DOK6: variants seen among roughly 807,000 people sequenced by gnomAD.
DOK6 encodes the protein downstream of tyrosine kinase 6.
Under a neutral mutation model 44.0 loss-of-function variants are expected in DOK6, and 22 were observed. The observed-to-expected ratio is 0.50, with a 90% CI of 0.36 to 0.71. The LOEUF is 0.71. Among genes scored for constraint, DOK6 ranks in the 30% least tolerant of loss-of-function variants. The pLI is 0.00. For missense variants in DOK6, 340 were observed against 416.4 expected (o/e 0.82, Z 1.60); for synonymous variants, 166 against 145.5 (o/e 1.14, Z -1.01).
intron 7 of DOK6, among the ~76,000 whole-genome samples, chr18:69,803,857 C>CAA (rs1035763856): frequency 6.6e-6 from 1 of 151,764 alleles, no homozygotes. Context: ...GGCTCCGTCT[C>CAA]AAAAAAATAT....
chr18:69,700,700 C>T (rs1986500489), intron 5 of DOK6, among the ~76,000 whole-genome samples: 1 of 152,108 alleles, frequency 6.6e-6, no homozygotes, highest in South Asian at 2.1e-4. Flanking sequence ...TTGTAAATTC[C>T]AGATGACTTC....
chr18:69,780,987 G>C (rs1037826234), intron 7 of DOK6, among the ~76,000 whole-genome samples: 1 of 152,014 alleles, frequency 6.6e-6, no homozygotes, highest in Non-Finnish European at 1.5e-5. Context: ...CGATTTCTCT[G>C]TTCACTGGAT....
intron 7 of DOK6, among the ~76,000 whole-genome samples, chr18:69,840,827 CT>C (rs1798935809): frequency 6.6e-6 from 1 of 152,170 alleles, no homozygotes; most frequent in African/African-American, 2.4e-5. Flanking sequence ...GTGTAATTTG[CT>C]TTTATATGCT....
Position 69,659,944 on chromosome 18 carries a change from ATAACATATATGTATGTTT to A in DOK6, c.290-17787_290-17770del, listed in dbSNP as rs201989520. 3.0e-3 allele frequency: 313 copies of A among 104,920 alleles called. 14 individuals carry two copies. The East Asian group carries it at 0.043, about 14-fold the overall frequency. The allele number at this position is 104,920 out of a possible 1,614,324, so 6.5% of individuals were successfully genotyped here. On this transcript the variant is annotated intron_variant, in intron 3 of 7. Coordinates refer to ENST00000382713, the MANE Select transcript of DOK6 (RefSeq NM_152721.6). ...TAACATATATGTATGTTTTATATAT[ATAACATATATGTATGTTT>A]TATATATATATATGTATATAAAGAA...
intron 2 of DOK6, among the ~76,000 whole-genome samples, chr18:69,584,066 C>T (rs2144611990): frequency 6.7e-6 from 1 of 148,590 alleles, no homozygotes; most frequent in East Asian, 2.0e-4. Context: ...CGAGATCGCG[C>T]CACTGCACTC....
At chr18:69,806,716 G>A (rs1179227260) in intron 7 of DOK6, among the ~76,000 whole-genome samples, 1 of 151,856 alleles carries the variant, frequency 6.6e-6, no homozygotes, top group Non-Finnish European at 1.5e-5. Flanking sequence ...AGGAAGATTA[G>A]GTAATCAGAG....
intron 1 of DOK6, among the ~76,000 whole-genome samples, chr18:69,480,040 A>G (rs1980375331): frequency 1.3e-5 from 2 of 152,192 alleles, no homozygotes; most frequent in Non-Finnish European, 2.9e-5. Context: ...ATGAGGTGTT[A>G]CAGTCTATTT....
At chr18:69,733,001 G>A (rs1342891685) in intron 5 of DOK6, among the ~76,000 whole-genome samples, 1 of 152,268 alleles carries the variant, frequency 6.6e-6, no homozygotes, top group Admixed American at 6.5e-5. Flanking sequence ...AATCATGGCA[G>A]AAGGGGAAGT....
chr18:69,669,629 T>C (rs540361913), intron 3 of DOK6, among the ~76,000 whole-genome samples: 2 of 152,290 alleles, frequency 1.3e-5, no homozygotes, highest in South Asian at 2.1e-4. Flanking sequence ...GATCTAATCT[T>C]TCTGGTGGTT....
intron 1 of DOK6, among the ~76,000 whole-genome samples, chr18:69,411,301 G>A (rs1599118080): frequency 6.6e-6 from 1 of 152,160 alleles, no homozygotes; most frequent in Non-Finnish European, 1.5e-5. Flanking sequence ...AGTTACTGAT[G>A]TGTTTTACAA....
At chr18:69,492,436 C>A (rs968118817) in intron 1 of DOK6, among the ~76,000 whole-genome samples, 6 of 151,496 alleles carry the variant, frequency 4.0e-5, no homozygotes, top group Admixed American at 2.6e-4. Flanking sequence ...ATTTTTCTAA[C>A]TTTCACTTTA....
At chr18:69,692,779 A>G (rs1419273028) in intron 4 of DOK6, among the ~76,000 whole-genome samples, 5 of 152,262 alleles carry the variant, frequency 3.3e-5, no homozygotes, top group Non-Finnish European at 7.3e-5. Context: ...AGAATGAAAA[A>G]ATATGTAAAC....
intron 3 of DOK6, among the ~76,000 whole-genome samples, chr18:69,620,461 A>G (rs1984414325): frequency 6.6e-6 from 1 of 152,168 alleles, no homozygotes; most frequent in Non-Finnish European, 1.5e-5. Context: ...AGCATTTAGT[A>G]TGATGAATTA....
chr18:69,512,078 A>G (rs911930877), intron 1 of DOK6, among the ~76,000 whole-genome samples: 1 of 143,492 alleles, frequency 7.0e-6, no homozygotes, highest in African/African-American at 2.5e-5. Context: ...TCATCGCCCC[A>G]TCCCCCCACA....
chr18:69,567,213 TG>T (rs1432603589), intron 2 of DOK6, among the ~76,000 whole-genome samples: 2 of 152,204 alleles, frequency 1.3e-5, no homozygotes, highest in African/African-American at 2.4e-5. Context: ...CACTGGGCCA[TG>T]CACTGGGGAT....
intron 1 of DOK6, among the ~76,000 whole-genome samples, chr18:69,549,866 T>A (rs1982513991): frequency 9.0e-6 from 1 of 111,592 alleles, no homozygotes; most frequent in Admixed American, 9.2e-5. Flanking sequence ...GGGAAGAGTT[T>A]TTAATTTTTT....
intron 3 of DOK6, chr18:69,618,643 T>A (rs1342608709): frequency 6.6e-6 from 1 of 152,342 alleles, no homozygotes; most frequent in Non-Finnish European, 1.5e-5. Flanking sequence ...CGAAACGGGT[T>A]TCCCCTTATA....
Position 69,401,233 on chromosome 18 carries a change from A to G in DOK6, c.-12A>G. 1 of 1,557,668 alleles carries G rather than the reference A, an allele frequency of 6.4e-7. No homozygotes were observed. The highest frequency in any genetic ancestry group is 1.2e-5 in the South Asian group (1 of 85,218). On this transcript the variant is annotated 5_prime_UTR_variant, in exon 1 of 8. Coordinates refer to ENST00000382713, the MANE Select transcript of DOK6 (RefSeq NM_152721.6). Reference sequence around the variant, plus strand: ...GCGGATCGCGGGGCGCAGGAGCCCGATCGCGCTGGCCATGGCCTCCAACTT... The same window carrying G: ...GCGGATCGCGGGGCGCAGGAGCCCGGTCGCGCTGGCCATGGCCTCCAACTT...
chr18:69,729,762 A>C (rs543722851), intron 5 of DOK6, among the ~76,000 whole-genome samples: 3 of 152,202 alleles, frequency 2.0e-5, no homozygotes, highest in Non-Finnish European at 4.4e-5. Context: ...CCCAAATGTG[A>C]GGGCAGATAA....
Sources: gnomAD v4.1 joint callset for allele counts (sites outside exome capture counted in the v4.1 genomes callset) on GRCh38, gnomAD v4.1.1 for gene constraint, MANE v1.5 for transcripts, NCBI Gene and HGNC (gene_info 2026-07-23, HGNC 2026-07-21) for gene names.